Variants in RGS22 observed in about 807,000 individuals in gnomAD.
RGS22 encodes the protein regulator of G-protein signaling 22.
In RGS22, 148 loss-of-function variants were observed where a neutral mutation model predicts 172.9. That is an observed-to-expected ratio of 0.86 (90% CI 0.75 to 0.98). The LOEUF is 0.98. Ranked by LOEUF, RGS22 falls within the 50% of genes least tolerant of loss-of-function variation. RGS22 has a pLI of 0.00. For synonymous variants in RGS22, 458 were observed against 480.2 expected (o/e 0.95, Z 0.60); for missense variants, 1,347 against 1,440.8 (o/e 0.93, Z 1.05).
rs1418465015 is a variant in RGS22 at position 100,051,844 on chromosome 8, T to TAAA, written c.1689+957_1689+958insTTT. 4.4e-4 allele frequency among the ~76,000 whole-genome samples: 25 copies of TAAA among 56,508 alleles called. 5 individuals are homozygous for TAAA. The highest frequency in any genetic ancestry group is 2.3e-3 in the African/African-American group (25 of 10,740). 37.1% of individuals were successfully genotyped at this position (56,508 alleles called of 152,430 possible). A position where few individuals can be genotyped will look rare whatever the true frequency, so the allele number is the denominator to read the frequency against. ...ATATTTATATATAAATGTTTATATA[T>TAAA]TTATATATTTATATATAAATGTTTA... On this transcript the variant is annotated intron_variant, in intron 10 of 27. Coordinates refer to ENST00000360863, the MANE Select transcript of RGS22 (RefSeq NM_015668.5).
At chr8:99,984,626 T>G (rs1178303879) in intron 21 of RGS22, among the ~76,000 whole-genome samples, 1 of 152,198 alleles carries the variant, frequency 6.6e-6, no homozygotes, top group Non-Finnish European at 1.5e-5. Flanking sequence ...AATCACACTC[T>G]TATAATTGCC....
At chr8:100,083,358 G>A (rs1811904769) in intron 3 of RGS22, among the ~76,000 whole-genome samples, 1 of 152,174 alleles carries the variant, frequency 6.6e-6, no homozygotes, top group African/African-American at 2.4e-5. Flanking sequence ...TTTAAAGCAG[G>A]TAGTTAACAA....
At chr8:100,035,663 G>T (rs1383236906) in intron 14 of RGS22, among the ~76,000 whole-genome samples, 3 of 152,168 alleles carry the variant, frequency 2.0e-5, no homozygotes, top group African/African-American at 4.8e-5. Flanking sequence ...GCACATGTAT[G>T]TTTACTGTGG....
rs1563670613 is a variant in RGS22 at position 100,051,693 on chromosome 8, TTATATATACG to T, written c.1689+1099_1689+1108del. On this transcript the variant is annotated intron_variant, in intron 10 of 27. Transcript: ENST00000360863. ...TATATATGTTTATACATATATATAT[TTATATATACG>T]TATATATAAATATATATTTATATAT... Among the ~76,000 whole-genome samples the T allele has an allele frequency of 4.0e-4, 5 of 12,532 alleles. 1 individual carries two copies. The highest frequency in any genetic ancestry group is 3.4e-3 in the African/African-American group (5 of 1,480). The allele number at this position is 12,532 out of a possible 152,430, so 8.2% of individuals were successfully genotyped here.
chr8:100,001,236 ATT>A lies in RGS22; in HGVS notation c.2790+964_2790+965del, dbSNP rs11299479. On this transcript the variant is annotated intron_variant, in intron 18 of 27. Coordinates refer to ENST00000360863, the MANE Select transcript of RGS22 (RefSeq NM_015668.5). ...TATATATATACATATATATATATAC[ATT>A]TTTTTTTTTTTTGAGACACAGTCTC... Among the ~76,000 whole-genome samples the A allele has an allele frequency of 5.4e-4, 70 of 128,646 alleles. 1 individual carries two copies. Among genetic ancestry groups the A allele is most frequent in the East Asian group, 1.3e-3 (6 of 4,480 alleles). 84.4% of individuals were successfully genotyped at this position (128,646 alleles called of 152,430 possible). A position where few individuals can be genotyped will look rare whatever the true frequency, so the allele number is the denominator to read the frequency against.
chr8:100,016,648 G>C (rs186232810), intron 14 of RGS22, among the ~76,000 whole-genome samples: 71 of 152,200 alleles, frequency 4.7e-4, no homozygotes, highest in African/African-American at 1.7e-3. Context: ...ATGGTGGCAG[G>C]CGCCTGTAGT....
At chr8:100,037,825 G>C (rs1225249065) in intron 14 of RGS22, among the ~76,000 whole-genome samples, 1 of 152,116 alleles carries the variant, frequency 6.6e-6, no homozygotes, top group Non-Finnish European at 1.5e-5. Flanking sequence ...TCAACTGGGT[G>C]GTCTCAGAAA....
chr8:99,975,145 CA>C (rs200402080), intron 23 of RGS22, among the ~76,000 whole-genome samples: 32 of 137,558 alleles, frequency 2.3e-4, no homozygotes, highest in Admixed American at 2.2e-4. Flanking sequence ...GACTCCATCT[CA>C]AAAAAAAAAG....
chr8:100,047,653 C>A, intron 10 of RGS22, 57 bp from the exon 11 acceptor site: 1 of 1,465,804 alleles, frequency 6.8e-7, no homozygotes, highest in Non-Finnish European at 9.1e-7. Flanking sequence ...CACAGCTCTG[C>A]ACCTATACCT....
chr8:99,977,567 C>T (rs1053440074), intron 23 of RGS22, among the ~76,000 whole-genome samples: 6 of 151,984 alleles, frequency 3.9e-5, no homozygotes, highest in East Asian at 1.9e-4. Context: ...AAGGATAAGG[C>T]GGATACTATC....
At chr8:99,987,769 C>T in intron 20 of RGS22, 150 bp from the exon 21 acceptor site, 1 of 488,924 alleles carries the variant, frequency 2.0e-6, no homozygotes, top group Admixed American at 3.9e-5. Flanking sequence ...TCTTTTGTCT[C>T]CTTTATATTT....
At chr8:100,081,592 TA>T (rs918625193) in intron 3 of RGS22, among the ~76,000 whole-genome samples, 9 of 151,934 alleles carry the variant, frequency 5.9e-5, no homozygotes, top group African/African-American at 2.2e-4. Flanking sequence ...ATTTCTTCAA[TA>T]GATATATTTC....
intron 23 of RGS22, among the ~76,000 whole-genome samples, chr8:99,968,089 C>A (rs1204742088): frequency 1.3e-5 from 2 of 152,174 alleles, no homozygotes; most frequent in Non-Finnish European, 2.9e-5. Context: ...CCCAGGCAAA[C>A]AGGATCTGGA....
chr8:100,104,056 G>A (rs542483997), intron 2 of RGS22, among the ~76,000 whole-genome samples: 4 of 152,092 alleles, frequency 2.6e-5, no homozygotes, highest in Non-Finnish European at 5.9e-5. Context: ...AGTGGCTCGG[G>A]CCTGTAATCC....
chr8:100,057,541 G>A (rs1809742344), intron 9 of RGS22, among the ~76,000 whole-genome samples: 1 of 152,026 alleles, frequency 6.6e-6, no homozygotes. Context: ...CGTGTGGGTG[G>A]GTCTTTCCCA....
chr8:100,095,604 A>C (rs1047150173), intron 2 of RGS22, among the ~76,000 whole-genome samples: 3 of 152,196 alleles, frequency 2.0e-5, no homozygotes, highest in African/African-American at 7.2e-5. Flanking sequence ...AATTTAACAG[A>C]TATAAATATA....
chr8:100,078,925 C>T (rs1811550530), intron 4 of RGS22, among the ~76,000 whole-genome samples: 1 of 152,198 alleles, frequency 6.6e-6, no homozygotes, highest in South Asian at 2.1e-4. Flanking sequence ...TTGCAGCTGG[C>T]CTGTTCTCAT....
intron 9 of RGS22, among the ~76,000 whole-genome samples, chr8:100,053,295 G>A (rs1821880554): frequency 2.6e-5 from 4 of 152,130 alleles, no homozygotes; most frequent in South Asian, 2.1e-4. Context: ...GGTGATGGGC[G>A]CCTGTAACCC....
chr8:100,008,463 A>C lies in RGS22; in HGVS notation c.2273T>G (p.Leu758Arg). 9 of 1,613,810 alleles carry C rather than the reference A, an allele frequency of 5.6e-6. No individual in the cohort carries two copies. Among genetic ancestry groups the C allele is most frequent in the Non-Finnish European group, 3.4e-6 (4 of 1,179,860 alleles). ...YMKIQPPFED[L>R]FDTAEEYILL... ...GATATATTCCTCTGCTGTGTCAAAA[A>C]GGTCTTCAAATGGTGGCTGTATTTT... The change falls in exon 15 of 28, where the codon CTT becomes CGT. Residue 758 changes from leucine to arginine, a missense_variant. Coordinates refer to ENST00000360863, the MANE Select transcript of RGS22 (RefSeq NM_015668.5).
Sources: gnomAD v4.1 joint callset for allele counts (sites outside exome capture counted in the v4.1 genomes callset) on GRCh38, gnomAD v4.1.1 for gene constraint, MANE v1.5 for transcripts, NCBI Gene and HGNC (gene_info 2026-07-23, HGNC 2026-07-21) for gene names.